NBPF11: variants seen among roughly 807,000 people sequenced by gnomAD.
The protein encoded by NBPF11 is NBPF member 11.
Under a neutral mutation model 93.9 loss-of-function variants are expected in NBPF11, and 72 were observed. The observed-to-expected ratio is 0.77, with a 90% CI of 0.63 to 0.93. NBPF11 has a LOEUF of 0.93. Among genes scored for constraint, NBPF11 ranks in the 40% least tolerant of loss-of-function variants. NBPF11 has a pLI of 0.00. For missense variants in NBPF11, 705 were observed against 802.2 expected (o/e 0.88, Z 1.46); for synonymous variants, 224 against 304.9 (o/e 0.73, Z 2.76).
At position 148,122,112 on chromosome 1, in the gene NBPF11, C is replaced by A. The variant is rs1668017377; in HGVS notation, c.721G>T (p.Val241Phe). The A allele has an allele frequency of 6.2e-7, 1 of 1,613,004 alleles. No homozygotes were observed. The highest frequency in any genetic ancestry group is 2.2e-5 in the East Asian group (1 of 44,892). Residue 241 changes from valine to phenylalanine, a missense_variant, in exon 9 of 24, where the codon GTT becomes TTT. By Grantham distance (50) the Val-to-Phe change is conservative (BLOSUM62 -1). This residue lies in a region of NBPF11 where 262 missense variants were observed against 223.1 expected (regional missense o/e 1.17). Coordinates refer to ENST00000682118, the MANE Select transcript of NBPF11 (RefSeq NM_001385469.3). ...TCATGAGAGGATTCTCTGTCTACAA[C>A]CAGAGATGAGTTGACTTTGTCTTCC... ...FEEDKVNSSL[V>F]VDRESSHDGC...
chr1:148,135,910 C>T (rs1306301844), intron 3 of NBPF11, 97 bp from the exon 4 acceptor site: 1 of 852,678 alleles, frequency 1.2e-6, no homozygotes, highest in Non-Finnish European at 1.9e-6. Context: ...CTTGAGTGCC[C>T]TGTGTGGCCT....
Position 148,151,497 on chromosome 1 carries a change from C to T in NBPF11, c.-549+253G>A, listed in dbSNP as rs1241808053. Among the ~76,000 whole-genome samples the T allele has an allele frequency of 8.6e-3, 1,302 of 152,132 alleles. 44 individuals are homozygous for T. The highest frequency in any genetic ancestry group is 0.03 in the African/African-American group (1,237 of 41,396). On this transcript the variant is annotated intron_variant, in intron 1 of 23. Transcript: ENST00000682118. Reference sequence around the variant, plus strand: ...CTCCGTCCCTCCACCCCCTGGGATGCCACAGAACACCTGCCAGGGAGTTTC... The same window carrying T: ...CTCCGTCCCTCCACCCCCTGGGATGTCACAGAACACCTGCCAGGGAGTTTC...
At chr1:148,141,998 GAGGGAAGGAGGGAGGGAGGAAGGA>G (rs1672245476) in intron 2 of NBPF11, among the ~76,000 whole-genome samples, 1 of 132,748 alleles carries the variant, frequency 7.5e-6, no homozygotes, top group Admixed American at 7.8e-5. Flanking sequence ...TGGAGGGAGG[GAGGGAAGGAGGGAGGGAGGAAGGA>G]AGGAAGGGAG....
At chr1:148,141,554 C>T (rs1304753602) in intron 2 of NBPF11, among the ~76,000 whole-genome samples, 4 of 151,978 alleles carry the variant, frequency 2.6e-5, no homozygotes, top group Non-Finnish European at 5.9e-5. Flanking sequence ...TAGTACTTGG[C>T]ATTGAAGTGC....
In NBPF11 at chr1:148,126,768, G is replaced by A. The variant is rs1669219727; in HGVS notation, c.175+61C>T. ...CAGGAAGGATGAAATTATTTTTGAT[G>A]GAGAGAGCATTTAGTGTCTCACATT... On this transcript the variant is annotated intron_variant, in intron 5 of 23. Coordinates refer to ENST00000682118, the MANE Select transcript of NBPF11 (RefSeq NM_001385469.3). 3.2e-6 allele frequency: 5 copies of A among 1,557,262 alleles called. No homozygotes were observed. The African/African-American group carries it at 6.8e-5, about 21-fold the overall frequency.
intron 15 of NBPF11, among the ~76,000 whole-genome samples, chr1:148,111,703 A>G (rs1464603204): frequency 5.9e-5 from 9 of 151,912 alleles, no homozygotes; most frequent in Non-Finnish European, 7.4e-5. Context: ...AAATTTAGAG[A>G]AAAAAGAGTA....
chr1:148,146,612 G>A lies in NBPF11; in HGVS notation c.-548-2926C>T, dbSNP rs1184367002. The A allele has an allele frequency of 2.3e-3, 3,784 of 1,610,706 alleles. 28 individuals carry two copies. Among genetic ancestry groups the A allele is most frequent in the South Asian group, 0.01 (949 of 90,984 alleles). ...CGCTGGAAGCTGCACCTGACGGAGCGTGCCGACTTCCAGTACAGCCAGCGC... is the reference window on the plus strand; with the variant it reads ...CGCTGGAAGCTGCACCTGACGGAGCATGCCGACTTCCAGTACAGCCAGCGC... On this transcript the variant is annotated intron_variant, in intron 1 of 23. Transcript: ENST00000682118.
chr1:148,146,155 G>A (rs1468672111), intron 1 of NBPF11, among the ~76,000 whole-genome samples: 1 of 151,722 alleles, frequency 6.6e-6, no homozygotes, highest in African/African-American at 2.4e-5. Context: ...GCGGGCCGGG[G>A]TGGGCTTCCC....
chr1:148,119,351 C>G (rs1292884187), intron 10 of NBPF11, among the ~76,000 whole-genome samples: 2 of 151,992 alleles, frequency 1.3e-5, no homozygotes, highest in African/African-American at 4.8e-5. Flanking sequence ...AGTGTTTACT[C>G]TGTGCCAATA....
intron 1 of NBPF11, among the ~76,000 whole-genome samples, chr1:148,145,186 A>T (rs1672794284): frequency 7.8e-6 from 1 of 128,140 alleles, no homozygotes; most frequent in African/African-American, 3.0e-5. Flanking sequence ...CTAGGCATTG[A>T]TTTCTTTTTT....
chr1:148,136,764 G>A (rs1472707973), intron 3 of NBPF11, among the ~76,000 whole-genome samples: 3 of 151,834 alleles, frequency 2.0e-5, no homozygotes, highest in African/African-American at 4.9e-5. Context: ...TCACATTAGG[G>A]ACAGATAAGC....
rs1223853264 is a variant in NBPF11, at chr1:148,123,808, C to A, written c.493+45G>T. On this transcript the variant is annotated intron_variant, in intron 7 of 23. Transcript: ENST00000682118. The stretch of plus-strand genomic sequence containing the variant: ...GAAAGTATGGAGGTCTGGAGCCTCT[C>A]ATAAGCCTGGGGTTTTGGGTCATCA... 4.2e-6 allele frequency: 5 copies of A among 1,184,936 alleles called. No individual in the cohort carries two copies. In the African/African-American group the frequency reaches 7.6e-5, roughly 18 times the overall value. 73.4% of individuals were successfully genotyped at this position (1,184,936 alleles called of 1,614,324 possible).
In NBPF11 at chr1:148,149,049, C is replaced by T. The variant is rs1222160810; in HGVS notation, c.-549+2701G>A. The T allele has an allele frequency of 3.8e-4, 315 of 832,832 alleles. 1 individual carries two copies. The highest frequency in any genetic ancestry group is 8.5e-4 in the Admixed American group (35 of 41,078). 51.6% of individuals were successfully genotyped at this position (832,832 alleles called of 1,614,324 possible). On this transcript the variant is annotated intron_variant, in intron 1 of 23. Transcript: ENST00000682118. ...GCCTGAGCCTGACCCACTGACTTGGCTGAGTGGGGAGACTGGAGGGTCGCA... is the reference window on the plus strand; with the variant it reads ...GCCTGAGCCTGACCCACTGACTTGGTTGAGTGGGGAGACTGGAGGGTCGCA...
intron 5 of NBPF11, 138 bp downstream of exon 5, chr1:148,126,691 C>T: frequency 4.6e-6 from 3 of 654,404 alleles, no homozygotes; most frequent in Non-Finnish European, 8.2e-6. Context: ...GTACCTCTGT[C>T]TTCCAACTTT....
At position 148,137,743 on chromosome 1, in the gene NBPF11, TGAA is replaced by T. The variant is rs1225043699; in HGVS notation, c.-213_-211del. On this transcript the variant is annotated 5_prime_UTR_variant, in exon 3 of 24. Transcript: ENST00000682118. Reference sequence around the variant, plus strand: ...TGGCTGTTCCAGAGCCCTTGCCACCTGAAGAAGACAATGAGGGGTATTTCAGGC... The same window carrying T: ...TGGCTGTTCCAGAGCCCTTGCCACCTGAAGACAATGAGGGGTATTTCAGGC... 1 of 148,608 alleles carries T rather than the reference TGAA, an allele frequency of 6.7e-6. No homozygotes were observed. The highest frequency in any genetic ancestry group is 1.5e-5 in the Non-Finnish European group (1 of 67,348). 9.2% of individuals were successfully genotyped at this position (148,608 alleles called of 1,614,324 possible). A position where few individuals can be genotyped will look rare whatever the true frequency, so the allele number is the denominator to read the frequency against.
Position 148,112,166 on chromosome 1 carries a change from T to A in NBPF11, c.1638-1625A>T, listed in dbSNP as rs1306620967. 2.8e-5 allele frequency among the ~76,000 whole-genome samples: 4 copies of A among 145,298 alleles called. 1 individual carries two copies. The highest frequency in any genetic ancestry group is 4.5e-5 in the Non-Finnish European group (3 of 66,880). On this transcript the variant is annotated intron_variant, in intron 15 of 23. Coordinates refer to ENST00000682118, the MANE Select transcript of NBPF11 (RefSeq NM_001385469.3). ...TTTGTGTGTATGTATATATATATAT[T>A]TTAATACTTTAAGTCTTAGGGTACA...
chr1:148,124,592 C>T (rs1668651950), intron 6 of NBPF11, among the ~76,000 whole-genome samples: 1 of 151,592 alleles, frequency 6.6e-6, no homozygotes, highest in East Asian at 1.9e-4. Context: ...GTGGCAATAG[C>T]ACACCATTTT....
chr1:148,148,587 C>G (rs1457285795), intron 1 of NBPF11, among the ~76,000 whole-genome samples: 1 of 151,944 alleles, frequency 6.6e-6, no homozygotes, highest in Non-Finnish European at 1.5e-5. Flanking sequence ...CCACCACCCT[C>G]GATGCTGACC....
chr1:148,119,478 A>G (rs1255371972), intron 10 of NBPF11, among the ~76,000 whole-genome samples: 1 of 151,874 alleles, frequency 6.6e-6, no homozygotes, highest in Non-Finnish European at 1.5e-5. Flanking sequence ...CAGAGAAGAC[A>G]AGCACCTTGG....
Sources: gnomAD v4.1 joint callset for allele counts (sites outside exome capture counted in the v4.1 genomes callset) on GRCh38, gnomAD v4.1.1 for gene constraint, gnomAD v4.1.1 regional missense constraint, MANE v1.5 for transcripts, NCBI Gene and HGNC (gene_info 2026-07-23, HGNC 2026-07-21) for gene names.